MKX: variants seen among roughly 807,000 people sequenced by gnomAD.
The protein encoded by MKX is mohawk homeobox.
Under a neutral mutation model 36.0 loss-of-function variants are expected in MKX, and 13 were observed. That is an observed-to-expected ratio of 0.36 (90% CI 0.24 to 0.57). The LOEUF (loss-of-function observed/expected upper bound fraction) is 0.57. Among genes scored for constraint, MKX ranks in the 20% least tolerant of loss-of-function variants. The probability of loss-of-function intolerance (pLI) is 0.79; values close to 1 mark genes in which losing one functional copy is unlikely to be tolerated. For missense variants in MKX, 458 were observed against 456.4 expected (o/e 1.00, Z -0.03); for synonymous variants, 176 against 178.3 (o/e 0.99, Z 0.10).
intron 5 of MKX, among the ~76,000 whole-genome samples, chr10:27,733,104 T>C (rs1834669339): frequency 6.6e-6 from 1 of 152,160 alleles, no homozygotes; most frequent in African/African-American, 2.4e-5. Context: ...CTAGACCCAA[T>C]TATTATTTAC....
rs1261043320 is a variant in MKX, at chr10:27,744,132, A to G, written c.-82-635T>C. ...GTGAGGTTGGGTTCAAGGACAGGAA[A>G]AAGTTAAGTGGCGTCAGGACGAAAG... is the stretch of plus-strand genomic sequence containing the variant. On this transcript the variant is annotated intron_variant, in intron 1 of 6. Transcript: ENST00000419761. The surrounding 1 kb of genome is among the most constrained non-coding windows in gnomAD (Gnocchi z 5.6). Among the ~76,000 whole-genome samples the G allele has an allele frequency of 2.6e-5, 4 of 152,000 alleles. No homozygotes were observed. Among genetic ancestry groups the G allele is most frequent in the African/African-American group, 7.2e-5 (3 of 41,386 alleles).
chr10:27,678,064 C>T (rs1254349494), intron 5 of MKX, among the ~76,000 whole-genome samples: 1 of 152,212 alleles, frequency 6.6e-6, no homozygotes, highest in Non-Finnish European at 1.5e-5. Context: ...TTACTACGTG[C>T]CAGGCACAAT....
chr10:27,705,741 G>A (rs1836737041), intron 5 of MKX, among the ~76,000 whole-genome samples: 1 of 152,132 alleles, frequency 6.6e-6, no homozygotes, highest in Admixed American at 6.5e-5. Flanking sequence ...TATCACTATT[G>A]TTTTTTCTGG....
At chr10:27,678,669 G>A (rs749716339) in intron 5 of MKX, among the ~76,000 whole-genome samples, 5 of 152,156 alleles carry the variant, frequency 3.3e-5, no homozygotes, top group Admixed American at 6.5e-5. Context: ...GAGCCTGCAC[G>A]TGGAAGGAGA....
intron 5 of MKX, among the ~76,000 whole-genome samples, chr10:27,703,084 G>T (rs1209128919): frequency 6.6e-6 from 1 of 152,096 alleles, no homozygotes; most frequent in Non-Finnish European, 1.5e-5. Flanking sequence ...TCCAGCCTTG[G>T]AGTATATGTA....
chr10:27,739,674 C>A (rs1274991821), intron 3 of MKX, among the ~76,000 whole-genome samples: 1 of 152,084 alleles, frequency 6.6e-6, no homozygotes, highest in Non-Finnish European at 1.5e-5. Flanking sequence ...AATGCTACTT[C>A]ATAATTTAAA....
At position 27,674,119 on chromosome 10, in the gene MKX, A is replaced by G. The variant is rs1356242110; in HGVS notation, c.*1110T>C. 6.6e-6 allele frequency: 1 copy of G among 152,200 alleles called. No homozygotes were observed. Among genetic ancestry groups the G allele is most frequent in the Non-Finnish European group, 1.5e-5 (1 of 68,032 alleles). The allele number at this position is 152,200 out of a possible 1,614,324, so 9.4% of individuals were successfully genotyped here. On this transcript the variant is annotated 3_prime_UTR_variant, in exon 7 of 7. Transcript: ENST00000419761. ...TTTAGAAACAAAATGTTTTCTTTCA[A>G]TGCATGATTTCACTTCATTTTTACT...
chr10:27,702,553 C>G (rs539801381), intron 5 of MKX, among the ~76,000 whole-genome samples: 379 of 152,180 alleles, frequency 2.5e-3, no homozygotes, highest in Admixed American at 5.0e-3. Flanking sequence ...TCCTACATAC[C>G]GAAGTTATTA....
intron 5 of MKX, among the ~76,000 whole-genome samples, chr10:27,704,932 T>C (rs1836722479): frequency 6.6e-6 from 1 of 152,130 alleles, no homozygotes; most frequent in Non-Finnish European, 1.5e-5. Flanking sequence ...TTGGGCAAAA[T>C]ATTTGTTAAT....
intron 5 of MKX, among the ~76,000 whole-genome samples, chr10:27,683,190 C>T (rs1266820699): frequency 2.0e-5 from 3 of 152,120 alleles, no homozygotes; most frequent in Non-Finnish European, 4.4e-5. Flanking sequence ...GGACCACTAC[C>T]GGTCCGTGGC....
intron 3 of MKX, among the ~76,000 whole-genome samples, chr10:27,735,922 G>T (rs1279566651): frequency 6.6e-6 from 1 of 152,194 alleles, no homozygotes; most frequent in Admixed American, 6.5e-5. Flanking sequence ...AGATGACCTT[G>T]AGTCATCAAA....
intron 3 of MKX, among the ~76,000 whole-genome samples, chr10:27,739,523 C>T (rs186102866): frequency 2.6e-5 from 4 of 151,990 alleles, no homozygotes; most frequent in Admixed American, 2.6e-4. Flanking sequence ...ATAGCCTTAC[C>T]AAGATCTAAA....
intron 5 of MKX, among the ~76,000 whole-genome samples, chr10:27,694,527 A>AAAAAAATATATATAT (rs547670335): frequency 1.1e-4 from 13 of 114,344 alleles, no homozygotes; most frequent in African/African-American, 4.3e-4. Context: ...AAAAAAAAAA[A>AAAAAAATATATATAT]ATATATATAT....
rs371964794 is a variant in MKX at position 27,744,355 on chromosome 10, A to G, written c.-82-858T>C. Among the ~76,000 whole-genome samples the G allele has an allele frequency of 1.3e-5, 2 of 151,802 alleles. No homozygotes were observed. Among genetic ancestry groups the G allele is most frequent in the Non-Finnish European group, 2.9e-5 (2 of 67,938 alleles). On this transcript the variant is annotated intron_variant, in intron 1 of 6. Transcript: ENST00000419761. The surrounding 1 kb of genome is among the most constrained non-coding windows in gnomAD (Gnocchi z 5.6). ...CCGCCTCTCTCTGGGGTCTCCGGGGACCCTTTCAGAGGCTGTAAAGGTGTC... is the reference window on the plus strand; with the variant it reads ...CCGCCTCTCTCTGGGGTCTCCGGGGGCCCTTTCAGAGGCTGTAAAGGTGTC...
At chr10:27,735,194 G>A (rs891249446) in intron 4 of MKX, 27 bp downstream of exon 4, 1 of 1,520,204 alleles carries the variant, frequency 6.6e-7, no homozygotes, top group Non-Finnish European at 8.8e-7. Context: ...GCAAAACAAA[G>A]AAAGCAAAAT....
At chr10:27,716,411 A>T (rs1017886479) in intron 5 of MKX, among the ~76,000 whole-genome samples, 2 of 137,924 alleles carry the variant, frequency 1.5e-5, no homozygotes, top group African/African-American at 5.4e-5. Context: ...TGACAGAGTC[A>T]GACTCTGTCT....
chr10:27,706,417 C>A (rs546960594), intron 5 of MKX, among the ~76,000 whole-genome samples: 1 of 152,102 alleles, frequency 6.6e-6, no homozygotes, highest in African/African-American at 2.4e-5. Context: ...ATTGCTGGAT[C>A]ATATGTCAAC....
intron 5 of MKX, among the ~76,000 whole-genome samples, chr10:27,720,360 GA>G: frequency 6.6e-6 from 1 of 151,006 alleles, no homozygotes; most frequent in South Asian, 2.1e-4. Context: ...TCTCAGTTAA[GA>G]ATTTTGATGC....
chr10:27,702,704 C>G (rs1402214975), intron 5 of MKX, among the ~76,000 whole-genome samples: 1 of 151,996 alleles, frequency 6.6e-6, no homozygotes, highest in East Asian at 1.9e-4. Flanking sequence ...AATGCAGGAT[C>G]GCAGATCAGA....
Sources: allele counts gnomAD v4.1 joint callset (sites outside exome capture counted in the v4.1 genomes callset), GRCh38; gene constraint gnomAD v4.1.1; non-coding constraint Gnocchi (gnomAD v3.1); transcripts MANE v1.5; gene names NCBI Gene and HGNC (gene_info 2026-07-23, HGNC 2026-07-21).